The following CAST variants were observed in gnomAD, a reference collection of about 807,000 sequenced individuals.
The protein encoded by CAST is calpastatin.
CAST carries 76 observed loss-of-function variants against 119.6 expected under a neutral mutation model. The ratio of observed to expected loss-of-function variants is 0.64; its 90% confidence interval spans 0.53 to 0.77. The LOEUF (loss-of-function observed/expected upper bound fraction) is 0.77. Ranked by LOEUF, CAST falls within the 30% of genes least tolerant of loss-of-function variation. The pLI is 0.00. For missense variants in CAST, 953 were observed against 946.5 expected, an observed-to-expected ratio of 1.01 and a Z score of -0.09; for synonymous variants, 319 against 331.6, an observed-to-expected ratio of 0.96 and a Z score of 0.41.
At chr5:96,253,760 A>G in the CAST span, among the ~76,000 whole-genome samples, 1 of 152,134 alleles carries the variant, frequency 6.6e-6, no homozygotes, top group Non-Finnish European at 1.5e-5. Context: ...GATTTTTTAA[A>G]TATTGCATTT....
chr5:96,421,339 C>T, the CAST span, among the ~76,000 whole-genome samples: 7 of 152,170 alleles, frequency 4.6e-5, no homozygotes, highest in Admixed American at 3.3e-4. Context: ...AGGAGACTTC[C>T]GGCTGGCTCA....
At chr5:96,534,827 AAG>A (rs1051698668) in intron 1 of CAST, among the ~76,000 whole-genome samples, 2 of 147,176 alleles carry the variant, frequency 1.4e-5, no homozygotes, top group African/African-American at 5.0e-5. Flanking sequence ...AAAGAAAAGA[AAG>A]AAGGAAAGAA....
chr5:96,082,830 A>G, the CAST span, among the ~76,000 whole-genome samples: 1 of 152,224 alleles, frequency 6.6e-6, no homozygotes, highest in Non-Finnish European at 1.5e-5. Flanking sequence ...GAAAAAAATT[A>G]AAATCAGAAA....
chr5:95,993,763 A>G, the CAST span, among the ~76,000 whole-genome samples: 1 of 152,084 alleles, frequency 6.6e-6, no homozygotes, highest in East Asian at 1.9e-4. Flanking sequence ...AGAATATATA[A>G]AGAACTCTTA....
the CAST span, among the ~76,000 whole-genome samples, chr5:95,963,844 T>G: frequency 1.3e-5 from 2 of 151,858 alleles, no homozygotes; most frequent in African/African-American, 4.8e-5. Flanking sequence ...ATCCCACTGC[T>G]TTTCCGGTGA....
the CAST span, among the ~76,000 whole-genome samples, chr5:95,991,839 C>CAG: frequency 6.6e-6 from 1 of 152,070 alleles, no homozygotes; most frequent in African/African-American, 2.4e-5. Context: ...ATTGCTAGAA[C>CAG]AGAGGACTTG....
chr5:96,539,627 T>C (rs1023950709), intron 1 of CAST, among the ~76,000 whole-genome samples: 2 of 152,146 alleles, frequency 1.3e-5, no homozygotes, highest in African/African-American at 4.8e-5. Context: ...TTCACTGCCC[T>C]AAAAATTCCC....
At chr5:96,665,719 G>A (rs1446623100) in intron 1 of CAST, among the ~76,000 whole-genome samples, 13 of 151,310 alleles carry the variant, frequency 8.6e-5, no homozygotes, top group Non-Finnish European at 1.9e-4. Context: ...CATGGAGCCA[G>A]TTTATAACAC....
the CAST span, among the ~76,000 whole-genome samples, chr5:95,968,561 G>A: frequency 5.3e-5 from 8 of 152,062 alleles, no homozygotes; most frequent in South Asian, 8.4e-4. Flanking sequence ...CACTCTTCCC[G>A]CGGGACTGTA....
At chr5:96,477,497 A>AGG in the CAST span, among the ~76,000 whole-genome samples, 1 of 152,242 alleles carries the variant, frequency 6.6e-6, no homozygotes, top group Non-Finnish European at 1.5e-5. Context: ...TTGCTTTAAC[A>AGG]AAACATTGTT....
At chr5:96,599,975 A>AAAAAAAAAAAAAAAAAAAG (rs762798506) in intron 1 of CAST, among the ~76,000 whole-genome samples, 1 of 140,508 alleles carries the variant, frequency 7.1e-6, no homozygotes, top group African/African-American at 2.8e-5. Context: ...GCAAAAAAAA[A>AAAAAAAAAAAAAAAAAAAG]AAAAAAAACC....
At chr5:96,441,945 G>T in the CAST span, among the ~76,000 whole-genome samples, 3 of 152,156 alleles carry the variant, frequency 2.0e-5, no homozygotes, top group Non-Finnish European at 4.4e-5. Flanking sequence ...GATTGTAGGA[G>T]TATAATGATA....
chr5:96,136,370 G>C, the CAST span, among the ~76,000 whole-genome samples: 1 of 151,290 alleles, frequency 6.6e-6, no homozygotes, highest in Admixed American at 6.6e-5. Context: ...GTTTTGTTTT[G>C]TTTTTGAGCA....
chr5:96,754,513 G>A (rs568474248), intron 21 of CAST, 145 bp from the exon 22 acceptor site: 9 of 626,568 alleles, frequency 1.4e-5, no homozygotes, highest in East Asian at 1.4e-4. Context: ...GCCAGATGAA[G>A]TTGCTGTAGG....
chr5:96,090,768 G>A, the CAST span, among the ~76,000 whole-genome samples: 1 of 151,890 alleles, frequency 6.6e-6, no homozygotes, highest in African/African-American at 2.4e-5. Flanking sequence ...TTTCTTTTGG[G>A]AGATCAGCAG....
the CAST span, among the ~76,000 whole-genome samples, chr5:96,337,213 C>A: frequency 6.6e-6 from 1 of 151,844 alleles, no homozygotes; most frequent in Non-Finnish European, 1.5e-5. Context: ...CACACAACCA[C>A]ACACACACAC....
chr5:96,197,769 T>TGG, the CAST span, among the ~76,000 whole-genome samples: 1 of 151,996 alleles, frequency 6.6e-6, no homozygotes, highest in Non-Finnish European at 1.5e-5. Context: ...AGACATTTTT[T>TGG]TGTGTGTGTG....
At chr5:96,658,684 A>T (rs1262002855), upstream of CAST, among the ~76,000 whole-genome samples, 1 of 152,254 alleles carries the variant, frequency 6.6e-6, no homozygotes, top group Non-Finnish European at 1.5e-5. Flanking sequence ...ATTATCATAC[A>T]TGAGGCACTG....
the CAST span, among the ~76,000 whole-genome samples, chr5:96,404,512 A>G: frequency 6.6e-6 from 1 of 152,146 alleles, no homozygotes; most frequent in Non-Finnish European, 1.5e-5. Flanking sequence ...TTCTCCTCCC[A>G]TTCCCCAATA....
Sources: gnomAD v4.1 joint callset for allele counts (sites outside exome capture counted in the v4.1 genomes callset) on GRCh38, gnomAD v4.1.1 for gene constraint, MANE v1.5 for transcripts, NCBI Gene and HGNC (gene_info 2026-07-23, HGNC 2026-07-21) for gene names.